The following LHPP variants were observed in gnomAD, a reference collection of about 807,000 sequenced individuals.
The protein encoded by LHPP is hLHPP.
A neutral mutation model predicts 30.3 loss-of-function variants in LHPP; 24 were observed. The ratio of observed to expected loss-of-function variants is 0.79; its 90% confidence interval spans 0.57 to 1.11. LHPP has a LOEUF of 1.11. LHPP is among the 50% of genes most tolerant of loss of function. The pLI, the probability that LHPP is intolerant of heterozygous loss-of-function variation, is 0.00. For missense variants in LHPP, 356 were observed against 367.2 expected, an observed-to-expected ratio of 0.97 and a Z score of 0.25; for synonymous variants, 150 against 157.1, an observed-to-expected ratio of 0.95 and a Z score of 0.34.
chr10:124,524,687 C>G (rs1954689662), intron 6 of LHPP, among the ~76,000 whole-genome samples: 2 of 152,070 alleles, frequency 1.3e-5, no homozygotes, highest in Non-Finnish European at 2.9e-5. Flanking sequence ...TCAAAATTAG[C>G]CAGGTGTGGT....
chr10:124,489,293 G>A (rs1284877065), intron 3 of LHPP, among the ~76,000 whole-genome samples: 3 of 152,136 alleles, frequency 2.0e-5, no homozygotes, highest in South Asian at 2.1e-4. Context: ...CTTCCTGTGC[G>A]AATAGACTAT....
At position 124,529,233 on chromosome 10, in the gene LHPP, C is replaced by T. The variant is rs371927672; in HGVS notation, c.716+11962C>T. On this transcript the variant is annotated intron_variant, in intron 6 of 6. Transcript: ENST00000368842. ...TGTATTTTTAGTAGAGACGGGGTTT[C>T]ACTGTGTTAGCCAGGATGGTCTCAA... is the stretch of plus-strand genomic sequence containing the variant. Among the ~76,000 whole-genome samples the T allele has an allele frequency of 9.9e-5, 15 of 152,076 alleles. No homozygotes were observed. In the East Asian group the frequency reaches 2.7e-3, roughly 28 times the overall value.
At chr10:124,462,135 G>A (rs953201739) in intron 1 of LHPP, 148 bp downstream of exon 1, 2 of 768,224 alleles carry the variant, frequency 2.6e-6, no homozygotes, top group Non-Finnish European at 3.4e-6. Flanking sequence ...TGCGCGCACA[G>A]TGCTGACCAC....
Position 124,590,453 on chromosome 10 carries a change from G to A in LHPP, c.717-22811G>A, listed in dbSNP as rs1948868546. On this transcript the variant is annotated intron_variant, in intron 6 of 6. Coordinates refer to ENST00000368842, the MANE Select transcript of LHPP (RefSeq NM_022126.4). The surrounding 1 kb of genome is among the most constrained non-coding windows in gnomAD (Gnocchi z 4.3). ...AGTTCCGACGCAGGCGTGGGCGATG[G>A]TGAGCAACTCCAGGCTACCCCGAGA... Among the ~76,000 whole-genome samples, 1 of 152,116 alleles carries A rather than the reference G, an allele frequency of 6.6e-6. No homozygotes were observed. Among genetic ancestry groups the A allele is most frequent in the African/African-American group, 2.4e-5 (1 of 41,428 alleles).
rs1455489406 is a variant in LHPP, at chr10:124,478,025, G to C, written c.126-6114G>C. Among the ~76,000 whole-genome samples the C allele has an allele frequency of 6.6e-6, 1 of 152,182 alleles. No individual in the cohort carries two copies. Among genetic ancestry groups the C allele is most frequent in the Non-Finnish European group, 1.5e-5 (1 of 68,024 alleles). ...TGAGGATGGGGCTGGTCCTGCGCCA[G>C]GGTGCCCCCAGGTGCTGATCTTGGC... On this transcript the variant is annotated intron_variant, in intron 1 of 6. Coordinates refer to ENST00000368842, the MANE Select transcript of LHPP (RefSeq NM_022126.4). The surrounding 1 kb of genome is among the most constrained non-coding windows in gnomAD (Gnocchi z 4.7).
intron 6 of LHPP, among the ~76,000 whole-genome samples, chr10:124,550,657 C>T (rs1324644507): frequency 1.3e-5 from 2 of 152,196 alleles, no homozygotes; most frequent in African/African-American, 4.8e-5. Flanking sequence ...TGCACACAGG[C>T]GTGTCCCCCG....
At chr10:124,549,990 G>T (rs1955440631) in intron 6 of LHPP, among the ~76,000 whole-genome samples, 1 of 148,282 alleles carries the variant, frequency 6.7e-6, no homozygotes, top group Non-Finnish European at 1.5e-5. Context: ...GCAGGGACTG[G>T]GTGGCACAGG....
chr10:124,560,122 C>A (rs563692337), intron 6 of LHPP, among the ~76,000 whole-genome samples: 3 of 152,206 alleles, frequency 2.0e-5, no homozygotes, highest in Non-Finnish European at 4.4e-5. Flanking sequence ...GACACTCAGC[C>A]TGTGATGGCT....
chr10:124,603,468 G>C (rs977305110), intron 6 of LHPP, among the ~76,000 whole-genome samples: 1 of 152,224 alleles, frequency 6.6e-6, no homozygotes, highest in African/African-American at 2.4e-5. Flanking sequence ...GCCAGGGGAA[G>C]TGTGTCCCCA....
intron 1 of LHPP, among the ~76,000 whole-genome samples, chr10:124,480,279 C>T (rs1047623984): frequency 7.2e-5 from 11 of 152,026 alleles, no homozygotes; most frequent in African/African-American, 1.4e-4. Context: ...ATTTCACATC[C>T]GATTTTTCAG....
intron 1 of LHPP, among the ~76,000 whole-genome samples, chr10:124,471,401 A>T (rs200877740): frequency 5.7e-4 from 32 of 56,522 alleles, no homozygotes; most frequent in Middle Eastern, 7.1e-3. Flanking sequence ...TATATATATA[A>T]TATATATATT....
chr10:124,547,035 ACACGCGCG>A (rs961311921), intron 6 of LHPP, among the ~76,000 whole-genome samples: 10 of 1,324 alleles, frequency 7.6e-3, no homozygotes, highest in Admixed American at 0.024. Context: ...ACACACACGC[ACACGCGCG>A]CACACACACA....
At chr10:124,545,289 C>T (rs987304813) in intron 6 of LHPP, among the ~76,000 whole-genome samples, 2 of 152,206 alleles carry the variant, frequency 1.3e-5, no homozygotes, top group Admixed American at 6.5e-5. Flanking sequence ...TAGTATTGTG[C>T]GAACCTCCCA....
At chr10:124,548,331 C>A (rs527465400) in intron 6 of LHPP, among the ~76,000 whole-genome samples, 1 of 152,302 alleles carries the variant, frequency 6.6e-6, no homozygotes, top group South Asian at 2.1e-4. Context: ...TAACTCCTCT[C>A]TTCTCTCTTT....
Position 124,530,963 on chromosome 10 carries a change from C to T in LHPP, c.716+13692C>T, listed in dbSNP as rs549180836. Among the ~76,000 whole-genome samples, 34 of 152,312 alleles carry T rather than the reference C, an allele frequency of 2.2e-4. No homozygotes were observed. In the East Asian group the frequency reaches 4.2e-3, roughly 19 times the overall value. ...CTTGTCAGAGAGAGGCCTAAGAACACGCTCTGGGCATTGGGGGCCTCCCAG... is the reference window on the plus strand; with the variant it reads ...CTTGTCAGAGAGAGGCCTAAGAACATGCTCTGGGCATTGGGGGCCTCCCAG... On this transcript the variant is annotated intron_variant, in intron 6 of 6. Coordinates refer to ENST00000368842, the MANE Select transcript of LHPP (RefSeq NM_022126.4).
Position 124,510,684 on chromosome 10 carries a change from G to A in LHPP, c.625-6496G>A, listed in dbSNP as rs1386197531. ...GTTTCATTTTCCCCGGAAGCATGGA[G>A]GTGTAGGATGACATGTAATATTTGG... is the stretch of plus-strand genomic sequence containing the variant. On this transcript the variant is annotated intron_variant, in intron 5 of 6. Transcript: ENST00000368842. The surrounding 1 kb of genome is among the most constrained non-coding windows in gnomAD (Gnocchi z 4.0). Among the ~76,000 whole-genome samples the A allele has an allele frequency of 1.3e-5, 2 of 152,248 alleles. No homozygotes were observed. Among genetic ancestry groups the A allele is most frequent in the African/African-American group, 4.8e-5 (2 of 41,462 alleles).
At chr10:124,500,729 A>T (rs1377486906) in intron 5 of LHPP, among the ~76,000 whole-genome samples, 4 of 109,204 alleles carry the variant, frequency 3.7e-5, no homozygotes, top group Non-Finnish European at 6.9e-5. Context: ...CTGTATAGTT[A>T]AAAAAAAAAA....
In LHPP at chr10:124,510,489, C is replaced by T. The variant is rs780779395; in HGVS notation, c.625-6691C>T. On this transcript the variant is annotated intron_variant, in intron 5 of 6. Coordinates refer to ENST00000368842, the MANE Select transcript of LHPP (RefSeq NM_022126.4). The surrounding 1 kb of genome is among the most constrained non-coding windows in gnomAD (Gnocchi z 4.0). ...GCAGCCTCGCTTTATCCCGCAGAACCTCCACGCTGTTCCTGCATGAGAACT... is the reference window on the plus strand; with the variant it reads ...GCAGCCTCGCTTTATCCCGCAGAACTTCCACGCTGTTCCTGCATGAGAACT... Among the ~76,000 whole-genome samples, 12 of 152,202 alleles carry T rather than the reference C, an allele frequency of 7.9e-5. No homozygotes were observed. The highest frequency in any genetic ancestry group is 1.3e-4 in the Non-Finnish European group (9 of 68,046).
intron 5 of LHPP, among the ~76,000 whole-genome samples, chr10:124,506,994 T>G (rs1001645441): frequency 4.7e-4 from 5 of 10,544 alleles, no homozygotes; most frequent in Non-Finnish European, 7.3e-4. Flanking sequence ...GTGAGGGGGG[T>G]AGGGAGGATT....
Sources: allele counts gnomAD v4.1 joint callset (sites outside exome capture counted in the v4.1 genomes callset), GRCh38; gene constraint gnomAD v4.1.1; non-coding constraint Gnocchi (gnomAD v3.1); transcripts MANE v1.5; gene names NCBI Gene and HGNC (gene_info 2026-07-23, HGNC 2026-07-21).